MYO16: variants seen among roughly 807,000 people sequenced by gnomAD.
MYO16 encodes the protein myosin XVI.
In MYO16, 94 loss-of-function variants were observed where a neutral mutation model predicts 205.3. The ratio of observed to expected loss-of-function variants is 0.46; its 90% CI spans 0.39 to 0.54. The LOEUF is 0.54. Among genes scored for constraint, MYO16 ranks in the 20% least tolerant of loss-of-function variants. The probability of loss-of-function intolerance (pLI) is 0.00; values close to 1 mark genes in which losing one functional copy is unlikely to be tolerated. For synonymous variants in MYO16, 988 were observed against 954.0 expected (o/e 1.04, Z -0.66); for missense variants, 2,315 against 2,387.5 (o/e 0.97, Z 0.63).
chr13:109,191,096 G>A (rs1041464480), intron 34 of MYO16, among the ~76,000 whole-genome samples: 3 of 152,016 alleles, frequency 2.0e-5, no homozygotes, highest in African/African-American at 7.2e-5. Flanking sequence ...GCAGGCGCTT[G>A]TAATCCCAGC....
chr13:109,151,697 A>G (rs1192846025), intron 32 of MYO16, among the ~76,000 whole-genome samples: 1 of 152,334 alleles, frequency 6.6e-6, no homozygotes, highest in Admixed American at 6.5e-5. Flanking sequence ...AAAAATATGT[A>G]TGTTTTGGAT....
intron 23 of MYO16, among the ~76,000 whole-genome samples, chr13:109,024,873 A>T (rs1886310785): frequency 6.6e-6 from 1 of 152,168 alleles, no homozygotes; most frequent in Non-Finnish European, 1.5e-5. Context: ...TCAAATGTAG[A>T]CACATACACT....
At position 108,998,762 on chromosome 13, in the gene MYO16, G is replaced by A. The variant is rs552670860; in HGVS notation, c.2442+6314G>A. 6.6e-5 allele frequency among the ~76,000 whole-genome samples: 10 copies of A among 152,286 alleles called. No homozygotes were observed. The South Asian group carries it at 2.1e-3, about 32-fold the overall frequency. On this transcript the variant is annotated intron_variant, in intron 21 of 34. Transcript: ENST00000457511. ...GCGAATCTAGAGGGTGACACTGGCT[G>A]TTGGCTGGGGGCCTCAGTTCCTCTT...
rs1055716511 is a variant in MYO16 at position 108,793,529 on chromosome 13, C to T, written c.630C>T (p.Thr210=). ...TTCTCCCCACAGGAGTGGATTTGAC[C>T]TCACTGCGCCAGATGAAGCTTCAGA... The part of the protein sequence containing the change: ...TYLDENGVDL[T]SLRQMKLQRP... Residue 210 remains threonine, a synonymous_variant, in exon 6 of 35, where the codon ACC becomes ACT. Transcript: ENST00000457511. 2 of 1,613,726 alleles carry T rather than the reference C, an allele frequency of 1.2e-6. No homozygotes were observed. The highest frequency in any genetic ancestry group is 2.2e-5 in the East Asian group (1 of 44,850).
chr13:108,856,688 T>G, intron 11 of MYO16, among the ~76,000 whole-genome samples: 1 of 152,146 alleles, frequency 6.6e-6, no homozygotes, highest in East Asian at 1.9e-4. Flanking sequence ...GCCTAATTTC[T>G]TTTGTCTTTC....
intron 30 of MYO16, among the ~76,000 whole-genome samples, chr13:109,126,196 G>A (rs1434768606): frequency 6.6e-6 from 1 of 151,878 alleles, no homozygotes; most frequent in East Asian, 1.9e-4. Context: ...TTGTTAATTA[G>A]CTTCAAATAT....
intron 8 of MYO16, among the ~76,000 whole-genome samples, chr13:108,821,992 T>G (rs1391003435): frequency 6.6e-6 from 1 of 152,144 alleles, no homozygotes; most frequent in Non-Finnish European, 1.5e-5. Flanking sequence ...GTGAAAGGTT[T>G]CAACTAAAGC....
chr13:108,495,723 C>T, the MYO16 span, among the ~76,000 whole-genome samples: 2 of 150,680 alleles, frequency 1.3e-5, no homozygotes, highest in African/African-American at 4.8e-5. Context: ...GTCGCAGAGG[C>T]GGGCAGAGAG....
chr13:108,784,493 C>G (rs1023400175), intron 4 of MYO16, among the ~76,000 whole-genome samples: 41 of 152,158 alleles, frequency 2.7e-4, no homozygotes, highest in Admixed American at 1.6e-3. Context: ...CGTTAAGCTA[C>G]TTTTTTGTTT....
At chr13:108,605,678 G>A (rs1455687269) in intron 1 of MYO16, among the ~76,000 whole-genome samples, 1 of 152,182 alleles carries the variant, frequency 6.6e-6, no homozygotes, top group Admixed American at 6.5e-5. Context: ...ATGCAGAACT[G>A]TGAGTTAATT....
intron 32 of MYO16, among the ~76,000 whole-genome samples, chr13:109,146,263 T>C (rs1020783859): frequency 6.6e-6 from 1 of 152,218 alleles, no homozygotes; most frequent in Non-Finnish European, 1.5e-5. Flanking sequence ...ACATTATGAG[T>C]TTGGAGTGAG....
At chr13:108,893,056 A>C (rs1880245447) in intron 14 of MYO16, among the ~76,000 whole-genome samples, 2 of 152,194 alleles carry the variant, frequency 1.3e-5, no homozygotes, top group South Asian at 4.1e-4. Flanking sequence ...CTCATGAAAA[A>C]ATATTGCCCA....
At chr13:108,907,377 A>G (rs1376682158) in intron 15 of MYO16, among the ~76,000 whole-genome samples, 1 of 152,234 alleles carries the variant, frequency 6.6e-6, no homozygotes, top group African/African-American at 2.4e-5. Context: ...AGTATTTCTG[A>G]CATAAAAGAG....
chr13:108,747,835 G>T (rs1885114561), intron 4 of MYO16, among the ~76,000 whole-genome samples: 1 of 152,016 alleles, frequency 6.6e-6, no homozygotes, highest in Non-Finnish European at 1.5e-5. Context: ...AATGAAAAAA[G>T]ATCTATGATG....
chr13:108,810,186 C>T (rs1199730425), intron 7 of MYO16, among the ~76,000 whole-genome samples: 1 of 152,194 alleles, frequency 6.6e-6, no homozygotes, highest in Non-Finnish European at 1.5e-5. Context: ...ACTTCTGATA[C>T]ATTTTAGTAC....
the MYO16 span, among the ~76,000 whole-genome samples, chr13:108,587,964 T>G: frequency 6.9e-6 from 1 of 145,216 alleles, no homozygotes; most frequent in Non-Finnish European, 1.5e-5. Flanking sequence ...AATATTTTTT[T>G]CTGTTTGCAA....
Position 109,132,428 on chromosome 13 carries a change from G to C in MYO16, c.4051+4878G>C, listed in dbSNP as rs537824559. ...ATGGCTCAGCTCTGTGGCTTAATTT[G>C]GAAATAATATGTCTTTTCTTTACTC... On this transcript the variant is annotated intron_variant, in intron 31 of 34. Coordinates refer to ENST00000457511, the MANE Select transcript of MYO16 (RefSeq NM_001198950.3). Among the ~76,000 whole-genome samples, 31 of 152,210 alleles carry C rather than the reference G, an allele frequency of 2.0e-4. 1 individual carries two copies. The highest frequency in any genetic ancestry group is 6.5e-4 in the African/African-American group (27 of 41,508).
At position 109,141,333 on chromosome 13, in the gene MYO16, G is replaced by T; in HGVS notation, c.5121G>T (p.Val1707=). The T allele has an allele frequency of 6.4e-7, 1 of 1,563,436 alleles. No individual in the cohort carries two copies. The highest frequency in any genetic ancestry group is 2.5e-5 in the East Asian group (1 of 40,652). ...GCCTCTTCAACTCGGGGAGGAGTGT[G>T]CTTCGGAAATCCGCGGCGGGAAGAA... ...LASLFNSGRS[V]LRKSAAGRKI... The change falls in exon 32 of 35, where the codon GTG becomes GTT. Residue 1707 remains valine, a synonymous_variant. Coordinates refer to ENST00000457511, the MANE Select transcript of MYO16 (RefSeq NM_001198950.3). The surrounding 1 kb of genome is among the most constrained non-coding windows in gnomAD (Gnocchi z 4.1).
chr13:108,635,647 C>T (rs761597750), intron 1 of MYO16, among the ~76,000 whole-genome samples: 9 of 151,772 alleles, frequency 5.9e-5, no homozygotes, highest in Non-Finnish European at 1.0e-4. Context: ...ACTACGGGTG[C>T]GTGCCACCAC....
Sources: allele counts gnomAD v4.1 joint callset (sites outside exome capture counted in the v4.1 genomes callset), GRCh38; gene constraint gnomAD v4.1.1; non-coding constraint Gnocchi (gnomAD v3.1); transcripts MANE v1.5; gene names NCBI Gene and HGNC (gene_info 2026-07-23, HGNC 2026-07-21).